Variants in ABLIM1 observed in about 807,000 individuals in gnomAD.
ABLIM1 encodes actin binding LIM protein 1.
Under a neutral mutation model 107.0 loss-of-function variants are expected in ABLIM1, and 40 were observed. The ratio of observed to expected loss-of-function variants is 0.37; its 90% CI spans 0.29 to 0.49. The LOEUF (loss-of-function observed/expected upper bound fraction) is 0.49, where lower values mean the gene tolerates loss of function less well. Ranked by LOEUF, ABLIM1 falls within the 20% of genes least tolerant of loss-of-function variation. The pLI is 0.97. For synonymous variants in ABLIM1, 357 were observed against 357.3 expected (o/e 1.00, Z 0.01); for missense variants, 857 against 1,008.5 (o/e 0.85, Z 2.04).
At chr10:114,483,927 T>C (rs2057777204) in intron 8 of ABLIM1, among the ~76,000 whole-genome samples, 1 of 152,168 alleles carries the variant, frequency 6.6e-6, no homozygotes, top group African/African-American at 2.4e-5. Context: ...AGGTACACTG[T>C]GCATGCAGCA....
chr10:114,718,070 AAAGG>A (rs1315295272), intron 1 of ABLIM1, among the ~76,000 whole-genome samples: 590 of 54,114 alleles, frequency 0.011, 26 homozygotes, highest in South Asian at 0.043. Context: ...AGAAAGGAAG[AAAGG>A]AAGGAAGGAA....
upstream of ABLIM1, among the ~76,000 whole-genome samples, chr10:114,685,406 C>A (rs2080907413): frequency 6.6e-6 from 1 of 152,156 alleles, no homozygotes; most frequent in Admixed American, 6.5e-5. Flanking sequence ...TATAATCAAT[C>A]CACTGGAAAA....
chr10:114,702,719 G>T (rs1237402037), intron 1 of ABLIM1, among the ~76,000 whole-genome samples: 1 of 151,764 alleles, frequency 6.6e-6, no homozygotes, highest in Admixed American at 6.6e-5. Flanking sequence ...TAGAGACGGG[G>T]TTTCACCGTA....
rs144436637 is a variant in ABLIM1, at chr10:114,642,979, G to A, written c.244+14978C>T. On this transcript the variant is annotated intron_variant, in intron 1 of 22. Coordinates refer to ENST00000533213, the MANE Select transcript of ABLIM1 (RefSeq NM_002313.7). The stretch of plus-strand genomic sequence containing the variant: ...CCAAGAAACTTACACCTGCCAAAAC[G>A]TCGTTCAGAGATAAGGGCAATGGGC... 3.1e-3 allele frequency among the ~76,000 whole-genome samples: 472 copies of A among 152,228 alleles called. 1 individual carries two copies. The highest frequency in any genetic ancestry group is 4.8e-3 in the Non-Finnish European group (329 of 68,024).
chr10:114,617,179 C>G (rs10885587), intron 1 of ABLIM1, among the ~76,000 whole-genome samples: 3 of 151,940 alleles, frequency 2.0e-5, no homozygotes, highest in African/African-American at 7.3e-5. Flanking sequence ...GGCGTTCAGC[C>G]TCTGAAAAAT....
intron 4 of ABLIM1, among the ~76,000 whole-genome samples, chr10:114,549,772 G>A (rs1434069837): frequency 6.6e-6 from 1 of 152,164 alleles, no homozygotes; most frequent in African/African-American, 2.4e-5. Context: ...GGAATACTAT[G>A]GGCTGTTCAA....
At chr10:114,678,555 T>TGTC (rs1211789411) in intron 1 of ABLIM1, among the ~76,000 whole-genome samples, 2 of 152,244 alleles carry the variant, frequency 1.3e-5, no homozygotes, top group East Asian at 3.8e-4. Flanking sequence ...GTCCATTTAT[T>TGTC]TATGTATTGT....
chr10:114,602,561 A>C (rs7914325), intron 1 of ABLIM1, among the ~76,000 whole-genome samples: 1 of 152,140 alleles, frequency 6.6e-6, no homozygotes, highest in Non-Finnish European at 1.5e-5. Flanking sequence ...CAACTCATCT[A>C]ACCTGTTGCA....
At position 114,447,924 on chromosome 10, in the gene ABLIM1, A is replaced by G. The variant is rs1427085347; in HGVS notation, c.1691T>C (p.Ile564Thr). 3 of 1,614,046 alleles carry G rather than the reference A, an allele frequency of 1.9e-6. No individual in the cohort carries two copies. The highest frequency in any genetic ancestry group is 2.2e-5 in the East Asian group (1 of 44,868). ...QAPDPSETPK[I>T]ETDHWPGPPS... is the part of the protein sequence containing the mutation. ...GGGACCAGGCCAGTGGTCCGTCTCA[A>G]TCTTTGGTGTCTCGCTGGGGTCTGG... Residue 564 changes from isoleucine to threonine, a missense_variant, in exon 15 of 23, where the codon ATT becomes ACT. Around this residue, in one of 5 missense-constraint regions of ABLIM1, gnomAD observed 103 missense variants for 101.0 expected, o/e 1.02. Transcript: ENST00000533213.
At chr10:114,581,225 T>C (rs1411742148) in intron 2 of ABLIM1, among the ~76,000 whole-genome samples, 3 of 152,148 alleles carry the variant, frequency 2.0e-5, no homozygotes, top group Non-Finnish European at 4.4e-5. Context: ...GCCCATGTAG[T>C]AAAAATACCA....
At chr10:114,441,209 T>TC in intron 18 of ABLIM1, 132 bp from the exon 19 acceptor site, 1 of 934,210 alleles carries the variant, frequency 1.1e-6, no homozygotes, top group Non-Finnish European at 1.6e-6. Flanking sequence ...ATTTTTTTTT[T>TC]CCCTATGATT....
chr10:114,532,618 G>C (rs1442609110), intron 6 of ABLIM1, among the ~76,000 whole-genome samples: 1 of 152,156 alleles, frequency 6.6e-6, no homozygotes, highest in African/African-American at 2.4e-5. Flanking sequence ...TCCTTAGCCT[G>C]GTAATACTGT....
intron 6 of ABLIM1, among the ~76,000 whole-genome samples, chr10:114,537,390 C>T (rs771596138): frequency 9.2e-5 from 14 of 152,124 alleles, no homozygotes; most frequent in Non-Finnish European, 1.6e-4. Context: ...CTCTGTCTCC[C>T]AGCTACTTTG....
At chr10:114,644,306 A>AAATAAAT (rs1408072252) in intron 1 of ABLIM1, among the ~76,000 whole-genome samples, 1 of 52,254 alleles carries the variant, frequency 1.9e-5, no homozygotes, top group Non-Finnish European at 3.1e-5. Context: ...AAAAAAAAAA[A>AAATAAAT]ATATATATAT....
chr10:114,545,101 G>A lies in ABLIM1; in HGVS notation c.801-3C>T, dbSNP rs778844295. 3 of 1,614,102 alleles carry A rather than the reference G, an allele frequency of 1.9e-6. No individual in the cohort carries two copies. Among genetic ancestry groups the A allele is most frequent in the East Asian group, 4.5e-5 (2 of 44,876 alleles). On this transcript the variant is annotated splice_region_variant and splice_polypyrimidine_tract_variant and intron_variant, in intron 5 of 22. Coordinates refer to ENST00000533213, the MANE Select transcript of ABLIM1 (RefSeq NM_002313.7). ...TTTCACAGTACGGAGCACCATCCCT[G>A]CAAGACAAAAACGTGTTCGGCTCCT... is the stretch of plus-strand genomic sequence containing the variant.
chr10:114,517,103 G>C (rs1444273270), intron 6 of ABLIM1, among the ~76,000 whole-genome samples: 1 of 152,206 alleles, frequency 6.6e-6, no homozygotes, highest in Non-Finnish European at 1.5e-5. Flanking sequence ...TGAGAGGGAA[G>C]AGCAAGCACT....
chr10:114,627,627 C>T (rs532985104), intron 1 of ABLIM1, among the ~76,000 whole-genome samples: 22 of 152,322 alleles, frequency 1.4e-4, no homozygotes, highest in South Asian at 4.1e-4. Flanking sequence ...GCTAGAACAT[C>T]TCTGTAGACA....
intron 2 of ABLIM1, among the ~76,000 whole-genome samples, chr10:114,581,882 TA>T (rs2024300163): frequency 6.6e-6 from 1 of 152,004 alleles, no homozygotes; most frequent in Middle Eastern, 3.2e-3. Flanking sequence ...TTCAAAATAA[TA>T]AGAGTTGTCT....
intron 15 of ABLIM1, among the ~76,000 whole-genome samples, chr10:114,446,073 C>A (rs1000319263): frequency 2.6e-5 from 4 of 152,186 alleles, no homozygotes; most frequent in African/African-American, 9.7e-5. Flanking sequence ...CGCCCAGCCT[C>A]AATTTTCAAA....
Sources: allele counts gnomAD v4.1 joint callset (sites outside exome capture counted in the v4.1 genomes callset), GRCh38; gene constraint gnomAD v4.1.1; regional missense constraint gnomAD v4.1.1; transcripts MANE v1.5; gene names NCBI Gene and HGNC (gene_info 2026-07-23, HGNC 2026-07-21).